PCDHGA2: variants seen among roughly 807,000 people sequenced by gnomAD.
PCDHGA2 encodes the protein protocadherin gamma-A2.
In PCDHGA2, 40 loss-of-function variants were observed where a neutral mutation model predicts 59.2. The observed-to-expected ratio is 0.68, with a 90% confidence interval of 0.52 to 0.88. The LOEUF (loss-of-function observed/expected upper bound fraction) is 0.88. Ranked by LOEUF, PCDHGA2 falls within the 40% of genes least tolerant of loss-of-function variation. The pLI is 0.00. For missense variants in PCDHGA2, 1,226 were observed against 1,204.0 expected (o/e 1.02, Z -0.27); for synonymous variants, 560 against 526.0 (o/e 1.06, Z -0.89).
chr5:141,397,805 A>G (rs1015155491), intron 1 of PCDHGA2, among the ~76,000 whole-genome samples: 1 of 152,236 alleles, frequency 6.6e-6, no homozygotes, highest in African/African-American at 2.4e-5. Flanking sequence ...TAAGTTAGGC[A>G]CACAAAAACA....
At chr5:141,374,130 T>TCG (rs767453830) in intron 1 of PCDHGA2, 3 of 1,604,204 alleles carry the variant, frequency 1.9e-6, no homozygotes, top group Non-Finnish European at 2.6e-6. Flanking sequence ...CAGGTCCTGC[T>TCG]CCTCACGCTC....
In PCDHGA2 at chr5:141,431,538, AGCTGCTTGTAGTCAAC is replaced by A; in HGVS notation, c.2425-63265_2425-63250del. 2 of 1,614,114 alleles carry A rather than the reference AGCTGCTTGTAGTCAAC, an allele frequency of 1.2e-6. No homozygotes were observed. Among genetic ancestry groups the A allele is most frequent in the Non-Finnish European group, 1.7e-6 (2 of 1,180,024 alleles). ...CCGGAGAATCTGGCCTTGGGCACGC[AGCTGCTTGTAGTCAAC>A]GCTACCGACCCTGACGAAGGAGTCA... On this transcript the variant is annotated intron_variant, in intron 1 of 3. Coordinates refer to ENST00000394576, the MANE Select transcript of PCDHGA2 (RefSeq NM_018915.4). This position sits in a 1 kb window ranked among gnomAD's most constrained non-coding sequence, Gnocchi z 4.8.
chr5:141,396,935 C>T (rs545100008), intron 1 of PCDHGA2, among the ~76,000 whole-genome samples: 1 of 152,240 alleles, frequency 6.6e-6, no homozygotes, highest in South Asian at 2.1e-4. Flanking sequence ...ATGAAAGTTG[C>T]CCTGGTAGGA....
At chr5:141,383,225 T>G in intron 1 of PCDHGA2, 2 of 1,613,970 alleles carry the variant, frequency 1.2e-6, no homozygotes, top group Non-Finnish European at 1.7e-6. Context: ...TTTAACATCC[T>G]GATGGAAGAT....
Position 141,487,893 on chromosome 5 carries a change from G to A in PCDHGA2, c.2425-6914G>A. Reference sequence around the variant, plus strand: ...AGCCAGGCTGTTGTGGAAGCATGATGATGGAATGTGGGAGCACAGGAGGCT... The same window carrying A: ...AGCCAGGCTGTTGTGGAAGCATGATAATGGAATGTGGGAGCACAGGAGGCT... On this transcript the variant is annotated intron_variant, in intron 1 of 3. Coordinates refer to ENST00000394576, the MANE Select transcript of PCDHGA2 (RefSeq NM_018915.4). The surrounding 1 kb of genome is among the most constrained non-coding windows in gnomAD (Gnocchi z 5.0). The A allele has an allele frequency of 1.4e-6, 1 of 731,472 alleles. No individual in the cohort carries two copies. The highest frequency in any genetic ancestry group is 2.2e-6 in the Non-Finnish European group (1 of 450,166). 45.3% of individuals were successfully genotyped at this position (731,472 alleles called of 1,614,324 possible). A position where few individuals can be genotyped will look rare whatever the true frequency, so the allele number is the denominator to read the frequency against.
chr5:141,371,424 G>GC, intron 1 of PCDHGA2: 1 of 1,613,946 alleles, frequency 6.2e-7, no homozygotes. Flanking sequence ...AAATGACAAT[G>GC]CCCCGGAGAT....
chr5:141,478,418 C>A, intron 1 of PCDHGA2: 1 of 1,613,650 alleles, frequency 6.2e-7, no homozygotes, highest in Non-Finnish European at 8.5e-7. Context: ...GGACTCCCGC[C>A]GCAGCGACCC....
At chr5:141,404,620 T>C in intron 1 of PCDHGA2, 2 of 1,614,162 alleles carry the variant, frequency 1.2e-6, no homozygotes, top group Non-Finnish European at 1.7e-6. Context: ...TGGACCAGAA[T>C]GACAATGCCC....
At chr5:141,412,424 C>G (rs1383441983) in intron 1 of PCDHGA2, 1 of 152,136 alleles carries the variant, frequency 6.6e-6, no homozygotes, top group Non-Finnish European at 1.5e-5. Flanking sequence ...ATGTTTTACA[C>G]AAAAAGGTTA....
intron 3 of PCDHGA2, among the ~76,000 whole-genome samples, chr5:141,508,629 T>C (rs934648689): frequency 6.6e-6 from 1 of 152,054 alleles, no homozygotes; most frequent in Non-Finnish European, 1.5e-5. Context: ...GGGCCGAGCT[T>C]CTAGCTACTC....
chr5:141,415,594 G>A (rs753362668), intron 1 of PCDHGA2: 1 of 1,613,866 alleles, frequency 6.2e-7, no homozygotes, highest in Non-Finnish European at 8.5e-7. Context: ...TCCTATAGAG[G>A]ATACCCCATT....
At chr5:141,417,340 C>T (rs981474163) in intron 1 of PCDHGA2, 2 of 152,874 alleles carry the variant, frequency 1.3e-5, no homozygotes, top group African/African-American at 4.8e-5. Context: ...GATAGGAGAC[C>T]TATAAACCTT....
chr5:141,497,060 G>A (rs1244885752), intron 2 of PCDHGA2, among the ~76,000 whole-genome samples: 1 of 151,952 alleles, frequency 6.6e-6, no homozygotes, highest in African/African-American at 2.4e-5. Context: ...GTGGTGGCAG[G>A]CACCTGTAAT....
chr5:141,379,082 T>C (rs982884901), intron 1 of PCDHGA2: 9 of 152,216 alleles, frequency 5.9e-5, no homozygotes, highest in Non-Finnish European at 1.2e-4. Flanking sequence ...CTGAATTTGT[T>C]ATGAATGTGT....
intron 1 of PCDHGA2, chr5:141,352,663 T>G: frequency 1.3e-6 from 2 of 1,589,980 alleles, no homozygotes; most frequent in Non-Finnish European, 1.7e-6. Flanking sequence ...CTTCTTTGTC[T>G]TCGCACGTGA....
At chr5:141,366,512 G>A (rs1764605826) in intron 1 of PCDHGA2, 1 of 1,614,288 alleles carries the variant, frequency 6.2e-7, no homozygotes, top group Non-Finnish European at 8.5e-7. Context: ...GCTTCAGGCT[G>A]AAGGCAGCAG....
At position 141,341,171 on chromosome 5, in the gene PCDHGA2, G is replaced by C. The variant is rs1757028861; in HGVS notation, c.2200G>C (p.Gly734Arg). 6.2e-7 allele frequency: 1 copy of C among 1,614,116 alleles called. No homozygotes were observed. The highest frequency in any genetic ancestry group is 1.3e-5 in the African/African-American group (1 of 75,048). ...LLQASGGSLT[G>R]MQSSHFVGVD... is the part of the protein sequence containing the mutation. ...GCAGGCTTCAGGAGGCAGCTTGACA[G>C]GCATGCAGAGCTCGCACTTTGTGGG... Residue 734 changes from glycine to arginine, a missense_variant, in exon 1 of 4, where the codon GGC becomes CGC. By Grantham distance (125) the Gly-to-Arg change is moderately radical. Transcript: ENST00000394576.
intron 1 of PCDHGA2, chr5:141,375,794 G>T (rs754100940): frequency 6.2e-7 from 1 of 1,614,170 alleles, no homozygotes; most frequent in Non-Finnish European, 8.5e-7. Context: ...CCCCACAGAC[G>T]GTTCCACTGG....
chr5:141,420,028 A>C, intron 1 of PCDHGA2: 2 of 1,614,076 alleles, frequency 1.2e-6, no homozygotes, highest in Non-Finnish European at 1.7e-6. Flanking sequence ...GCCCTACTGC[A>C]GGAGACTGCT....
Sources: allele counts gnomAD v4.1 joint callset (sites outside exome capture counted in the v4.1 genomes callset), GRCh38; gene constraint gnomAD v4.1.1; non-coding constraint Gnocchi (gnomAD v3.1); transcripts MANE v1.5; gene names NCBI Gene and HGNC (gene_info 2026-07-23, HGNC 2026-07-21).